The following EIF2B4 variants were observed in gnomAD, a reference collection of about 807,000 sequenced individuals.
EIF2B4 encodes eukaryotic translation initiation factor 2B subunit delta.
In EIF2B4, 34 loss-of-function variants were observed where a neutral mutation model predicts 66.7. The observed-to-expected ratio is 0.51, with a 90% confidence interval of 0.39 to 0.68. EIF2B4 has a LOEUF of 0.68. Among genes scored for constraint, EIF2B4 ranks in the 30% least tolerant of loss-of-function variants. The probability of loss-of-function intolerance (pLI) is 0.00; values close to 1 mark genes in which losing one functional copy is unlikely to be tolerated. For synonymous variants in EIF2B4, 278 were observed against 253.6 expected, an observed-to-expected ratio of 1.10 and a Z score of -0.92; for missense variants, 618 against 657.9, an observed-to-expected ratio of 0.94 and a Z score of 0.66.
chr2:27,368,649 C>A lies in EIF2B4; in HGVS notation c.498+5G>T. On this transcript the variant is annotated splice_donor_5th_base_variant and intron_variant, in intron 5 of 12. Coordinates refer to ENST00000347454, the MANE Select transcript of EIF2B4 (RefSeq NM_001034116.2). ...TTCTAGCCAGGCACCAAACCCACTT[C>A]CTACCTGTTGACGCTCTGGTTTTTT... The A allele has an allele frequency of 6.2e-7, 1 of 1,614,228 alleles. No homozygotes were observed. The highest frequency in any genetic ancestry group is 1.6e-4 in the Middle Eastern group (1 of 6,062).
intron 1 of EIF2B4, 118 bp downstream of exon 1, chr2:27,370,166 G>A: frequency 1.9e-6 from 3 of 1,544,714 alleles, no homozygotes; most frequent in Non-Finnish European, 2.6e-6. Context: ...GTGTAGACCG[G>A]AGCCCAGCGT....
chr2:27,368,919 G>A (rs1318538016), intron 4 of EIF2B4, 87 bp downstream of exon 4: 12 of 1,539,962 alleles, frequency 7.8e-6, no homozygotes, highest in South Asian at 2.2e-5. Context: ...TCCCAAGAAT[G>A]AGAGGGGAGA....
At position 27,366,940 on chromosome 2, in the gene EIF2B4, G is replaced by A. The variant is rs769848938; in HGVS notation, c.1014-4C>T. On this transcript the variant is annotated splice_region_variant and splice_polypyrimidine_tract_variant and intron_variant, in intron 10 of 12. Transcript: ENST00000347454. Reference sequence around the variant, plus strand: ...AATTCGTGATACCAGAGATGAGCTAGAGTGAATGAAGAGGAGGATTCAGTT... The same window carrying A: ...AATTCGTGATACCAGAGATGAGCTAAAGTGAATGAAGAGGAGGATTCAGTT... The A allele has an allele frequency of 7.4e-6, 12 of 1,614,160 alleles. No individual in the cohort carries two copies. The highest frequency in any genetic ancestry group is 4.2e-6 in the Non-Finnish European group (5 of 1,180,042).
At chr2:27,364,645 C>T (rs1039636499) in intron 12 of EIF2B4, 46 bp from the exon 13 acceptor site, 1 of 1,614,116 alleles carries the variant, frequency 6.2e-7, no homozygotes, top group South Asian at 1.1e-5. Context: ...AAAAGAAGTT[C>T]TAGTTTATCC....
rs1373317459 is a variant in EIF2B4 at position 27,368,354 on chromosome 2, A to G, written c.590+18T>C. 1.2e-6 allele frequency: 2 copies of G among 1,602,884 alleles called. No individual in the cohort carries two copies. Among genetic ancestry groups the G allele is most frequent in the Non-Finnish European group, 1.7e-6 (2 of 1,169,806 alleles). On this transcript the variant is annotated intron_variant, in intron 6 of 12. Coordinates refer to ENST00000347454, the MANE Select transcript of EIF2B4 (RefSeq NM_001034116.2). Reference sequence around the variant, plus strand: ...ACTCCTCAGACTCAAAAGTTATGACAATTTCATAGGATCCTACCTCATAAA... The same window carrying G: ...ACTCCTCAGACTCAAAAGTTATGACGATTTCATAGGATCCTACCTCATAAA...
intron 8 of EIF2B4, 21 bp from the exon 9 acceptor site, chr2:27,367,580 C>T: frequency 1.9e-6 from 3 of 1,613,074 alleles, no homozygotes; most frequent in Non-Finnish European, 2.5e-6. Flanking sequence ...ACAGCAATAC[C>T]TTATATCTGC....
intron 4 of EIF2B4, 99 bp downstream of exon 4, chr2:27,368,907 G>A: frequency 6.6e-7 from 1 of 1,512,656 alleles, no homozygotes; most frequent in East Asian, 2.3e-5. Context: ...CAGAACTCTG[G>A]GTCCCAAGAA....
chr2:27,367,826 T>A lies in EIF2B4; in HGVS notation c.706-4A>T, dbSNP rs773837208. The A allele has an allele frequency of 3.1e-6, 5 of 1,613,016 alleles. No homozygotes were observed. Among genetic ancestry groups the A allele is most frequent in the Middle Eastern group, 1.7e-4 (1 of 6,058 alleles). On this transcript the variant is annotated splice_region_variant and splice_polypyrimidine_tract_variant and intron_variant, in intron 7 of 12. Coordinates refer to ENST00000347454, the MANE Select transcript of EIF2B4 (RefSeq NM_001034116.2). ...GTGTTGTGTAATCCTGAATCACCTATAGGGTACACAAGGTGATCTGCAAAA... is the reference window on the plus strand; with the variant it reads ...GTGTTGTGTAATCCTGAATCACCTAAAGGGTACACAAGGTGATCTGCAAAA...
intron 9 of EIF2B4, 126 bp from the exon 10 acceptor site, chr2:27,367,327 A>G (rs1681934267): frequency 6.3e-7 from 1 of 1,579,344 alleles, no homozygotes. Flanking sequence ...CACAAGTCAG[A>G]ATGGCCAAAC....
chr2:27,366,606 G>C, intron 11 of EIF2B4, 153 bp downstream of exon 11: 1 of 853,858 alleles, frequency 1.2e-6, no homozygotes. Context: ...CTGAGCCCAG[G>C]AGGTCAAGAC....
intron 9 of EIF2B4, 63 bp from the exon 10 acceptor site, chr2:27,367,264 C>T (rs763515698): frequency 5.0e-6 from 8 of 1,611,404 alleles, no homozygotes; most frequent in Admixed American, 1.7e-5. Context: ...GATGATCATG[C>T]CAGGTGCTTG....
Position 27,364,366 on chromosome 2 carries a change from G to T in EIF2B4, c.*34C>A. ...AGGCAGCAGAGTTGCTGAGGGTAGG[G>T]AGTATGGCATTTATTAACCCTGTGT... On this transcript the variant is annotated 3_prime_UTR_variant, in exon 13 of 13. Transcript: ENST00000347454. 3 of 1,604,076 alleles carry T rather than the reference G, an allele frequency of 1.9e-6. No individual in the cohort carries two copies. Among genetic ancestry groups the T allele is most frequent in the Non-Finnish European group, 1.7e-6 (2 of 1,172,490 alleles).
intron 9 of EIF2B4, 61 bp from the exon 10 acceptor site, chr2:27,367,262 T>C (rs769906014): frequency 7.4e-6 from 12 of 1,611,998 alleles, no homozygotes; most frequent in Non-Finnish European, 1.7e-6. Context: ...CTGATGATCA[T>C]GCCAGGTGCT....
rs1336603428 is a variant in EIF2B4, at chr2:27,367,116, T to C, written c.971A>G (p.Tyr324Cys). 3.1e-6 allele frequency: 5 copies of C among 1,614,094 alleles called. No homozygotes were observed. The highest frequency in any genetic ancestry group is 4.2e-6 in the Non-Finnish European group (5 of 1,180,054). ...LAAQAISRFAYQKISNGDVIL... is the reference protein window; with the variant it reads ...LAAQAISRFACQKISNGDVIL... ...CACATCTCCATTACTGATCTTCTGG[T>C]AAGCAAAGCGTGAAATTGCCTGAGC... Residue 324 changes from tyrosine (Y) to cysteine (C), a missense_variant, in exon 10 of 13, where the codon TAC (tyrosine) becomes TGC (cysteine). Coordinates refer to ENST00000347454, the MANE Select transcript of EIF2B4 (RefSeq NM_001034116.2).
chr2:27,370,338 CG>C, upstream of EIF2B4: 1 of 1,542,216 alleles, frequency 6.5e-7, no homozygotes, highest in Non-Finnish European at 8.7e-7. Context: ...AGGCTCCGCC[CG>C]CCGTGGTCAC....
chr2:27,370,049 G>A, intron 1 of EIF2B4, 130 bp from the exon 2 acceptor site: 1 of 1,508,480 alleles, frequency 6.6e-7, no homozygotes. Context: ...AGGCGAGCCA[G>A]GGATCCGCGT....
Position 27,364,388 on chromosome 2 carries a change from G to A in EIF2B4, c.*12C>T. On this transcript the variant is annotated 3_prime_UTR_variant, in exon 13 of 13. Coordinates refer to ENST00000347454, the MANE Select transcript of EIF2B4 (RefSeq NM_001034116.2). ...AGGGAGTATGGCATTTATTAACCCT[G>A]TGTTTCCCCCGTCACTGGTCACTGC... is the stretch of plus-strand genomic sequence containing the variant. 7 of 1,613,536 alleles carry A rather than the reference G, an allele frequency of 4.3e-6. No homozygotes were observed. The highest frequency in any genetic ancestry group is 1.7e-4 in the Middle Eastern group (1 of 6,044).
chr2:27,369,573 G>A, intron 2 of EIF2B4, 24 bp from the exon 3 acceptor site: 1 of 1,613,924 alleles, frequency 6.2e-7, no homozygotes, highest in South Asian at 1.1e-5. Context: ...ATAGGATACT[G>A]CTCTTCCCCA....
At chr2:27,367,422 AG>A in intron 9 of EIF2B4, 34 bp downstream of exon 9, 1 of 1,612,002 alleles carries the variant, frequency 6.2e-7, no homozygotes, top group South Asian at 1.1e-5. Flanking sequence ...TTTTACCCAC[AG>A]GTGCATGCCT....
Sources: gnomAD v4.1 joint callset for allele counts on GRCh38, gnomAD v4.1.1 for gene constraint, MANE v1.5 for transcripts, NCBI Gene and HGNC (gene_info 2026-07-23, HGNC 2026-07-21) for gene names.